Variants in TRIM37 observed in about 807,000 individuals in gnomAD.
The protein encoded by TRIM37 is tripartite motif containing 37, also known as E3 ubiquitin-protein ligase TRIM37.
Under a neutral mutation model 129.8 loss-of-function variants are expected in TRIM37, and 80 were observed. The ratio of observed to expected loss-of-function variants is 0.62; its 90% CI spans 0.51 to 0.74. The LOEUF is 0.74. Among genes scored for constraint, TRIM37 ranks in the 30% least tolerant of loss-of-function variants. The pLI is 0.00. For synonymous variants in TRIM37, 389 were observed against 387.1 expected (o/e 1.00, Z -0.06); for missense variants, 1,054 against 1,176.5 (o/e 0.90, Z 1.52).
Position 58,998,684 on chromosome 17 carries a change from C to CAA in TRIM37, c.*692_*693insTT. 3.0e-6 allele frequency: 3 copies of CAA among 985,384 alleles called. No homozygotes were observed. The highest frequency in any genetic ancestry group is 3.6e-6 in the Non-Finnish European group (3 of 829,924). The allele number at this position is 985,384 out of a possible 1,614,324, so 61.0% of individuals were successfully genotyped here. A position where few individuals can be genotyped will look rare whatever the true frequency, so the allele number is the denominator to read the frequency against. The stretch of plus-strand genomic sequence containing the variant: ...AATGAAAGAATTTTAAATAATCTTA[C>CAA]ACGTGTCTACAGGGCCAGGAACGTA... On this transcript the variant is annotated 3_prime_UTR_variant, in exon 24 of 24. Transcript: ENST00000262294.
At chr17:59,028,793 T>C (rs556798389) in intron 18 of TRIM37, 70 bp from the exon 19 acceptor site, 33 of 1,540,144 alleles carry the variant, frequency 2.1e-5, no homozygotes, top group Admixed American at 1.7e-5. Context: ...ACCATGAATA[T>C]ATGCAAATTT....
intron 12 of TRIM37, among the ~76,000 whole-genome samples, chr17:59,057,515 G>A (rs995416028): frequency 6.6e-6 from 1 of 151,948 alleles, no homozygotes; most frequent in African/African-American, 2.4e-5. Flanking sequence ...GCCAGAAAAA[G>A]AGCAGTATTT....
At chr17:59,014,665 C>T (rs2035685385) in intron 21 of TRIM37, among the ~76,000 whole-genome samples, 1 of 148,450 alleles carries the variant, frequency 6.7e-6, no homozygotes. Flanking sequence ...ATGCCTGTGA[C>T]ACATAATATA....
intron 2 of TRIM37, among the ~76,000 whole-genome samples, chr17:59,100,053 C>CG (rs532147068): frequency 1.9e-3 from 291 of 152,234 alleles, no homozygotes; most frequent in African/African-American, 6.8e-3. Flanking sequence ...CCATCCACTT[C>CG]GGCCTCCCAA....
At chr17:59,008,479 T>C (rs2034828418) in intron 22 of TRIM37, among the ~76,000 whole-genome samples, 1 of 152,256 alleles carries the variant, frequency 6.6e-6, no homozygotes, top group African/African-American at 2.4e-5. Flanking sequence ...AAGCTGTCAA[T>C]TAGCTTTAAA....
downstream of TRIM37, chr17:58,980,349 G>A: frequency 6.2e-7 from 1 of 1,614,098 alleles, no homozygotes; most frequent in Non-Finnish European, 8.5e-7. This position sits in a 1 kb window ranked among gnomAD's most constrained non-coding sequence, Gnocchi z 4.7. Flanking sequence ...AAACGCCCTT[G>A]GCCTCAGCAC....
At chr17:59,002,780 G>A (rs1445477914) in intron 22 of TRIM37, among the ~76,000 whole-genome samples, 1 of 152,188 alleles carries the variant, frequency 6.6e-6, no homozygotes, top group Non-Finnish European at 1.5e-5. Flanking sequence ...GCCCTGGAGA[G>A]CTTCCTGTGA....
chr17:59,089,040 T>C (rs767258132), intron 3 of TRIM37, among the ~76,000 whole-genome samples: 6 of 151,932 alleles, frequency 3.9e-5, no homozygotes, highest in Admixed American at 6.6e-5. Flanking sequence ...GGCAGGTAGA[T>C]TGCTTGAGCC....
At position 59,070,749 on chromosome 17, in the gene TRIM37, AC is replaced by A. The variant is rs989131218; in HGVS notation, c.809+73del. ...GAGAGAGATGGCATTAAAAAAAAAA[AC>A]ATTCTTTTGAAACAAGTATATGCAT... On this transcript the variant is annotated intron_variant, in intron 9 of 23. Coordinates refer to ENST00000262294, the MANE Select transcript of TRIM37 (RefSeq NM_015294.6). 707 of 1,507,044 alleles carry A rather than the reference AC, an allele frequency of 4.7e-4. 4 individuals are homozygous for A. In the African/African-American group the frequency reaches 7.9e-3, roughly 17 times the overall value. The allele number at this position is 1,507,044 out of a possible 1,614,324, so 93.4% of individuals were successfully genotyped here.
chr17:58,973,172 C>T, the TRIM37 span, among the ~76,000 whole-genome samples: 2 of 152,126 alleles, frequency 1.3e-5, no homozygotes, highest in African/African-American at 4.8e-5. Context: ...AATCCCAACA[C>T]TTTGGGAGGC....
chr17:59,057,613 C>A (rs2041079867), intron 12 of TRIM37, among the ~76,000 whole-genome samples: 1 of 152,116 alleles, frequency 6.6e-6, no homozygotes, highest in Non-Finnish European at 1.5e-5. Context: ...AACCTCTGCC[C>A]CCCAGTTCAA....
chr17:59,102,804 T>G (rs2045628560), intron 2 of TRIM37, among the ~76,000 whole-genome samples: 1 of 152,240 alleles, frequency 6.6e-6, no homozygotes, highest in Non-Finnish European at 1.5e-5. Context: ...AGAAAAAAAT[T>G]ATTTAAGTGT....
At chr17:58,990,490 C>CA (rs1385274923) in intron 24 of TRIM37, among the ~76,000 whole-genome samples, 1 of 144,348 alleles carries the variant, frequency 6.9e-6, no homozygotes, top group Non-Finnish European at 1.5e-5. Flanking sequence ...GACTCTGTCT[C>CA]AAAAGAAAAA....
At chr17:59,011,884 A>G (rs1201838966) in intron 22 of TRIM37, among the ~76,000 whole-genome samples, 1 of 152,232 alleles carries the variant, frequency 6.6e-6, no homozygotes, top group Non-Finnish European at 1.5e-5. Context: ...GTTCTAGGGC[A>G]TATCTTCCCC....
chr17:59,056,040 A>G (rs2040836585), intron 13 of TRIM37, among the ~76,000 whole-genome samples: 1 of 152,188 alleles, frequency 6.6e-6, no homozygotes, highest in African/African-American at 2.4e-5. Flanking sequence ...TATAAAATTA[A>G]GTTGTAAAAC....
intron 2 of TRIM37, among the ~76,000 whole-genome samples, chr17:59,097,430 G>A (rs774820240): frequency 2.0e-5 from 3 of 152,044 alleles, no homozygotes; most frequent in Non-Finnish European, 4.4e-5. Flanking sequence ...AAACACAACA[G>A]TTACAGGAGA....
chr17:58,979,553 G>A (rs1032254333), downstream of TRIM37, among the ~76,000 whole-genome samples: 1 of 152,174 alleles, frequency 6.6e-6, no homozygotes, highest in African/African-American at 2.4e-5. Flanking sequence ...TTTCAATGTG[G>A]GCTTGTTTTC....
intron 13 of TRIM37, among the ~76,000 whole-genome samples, chr17:59,054,591 G>A (rs1031592521): frequency 2.2e-4 from 32 of 143,474 alleles, no homozygotes; most frequent in African/African-American, 7.5e-4. Flanking sequence ...CGTGAGCCAC[G>A]GCACCCAGCC....
At chr17:59,056,236 G>T (rs978436454) in intron 13 of TRIM37, among the ~76,000 whole-genome samples, 2 of 151,468 alleles carry the variant, frequency 1.3e-5, no homozygotes, top group Admixed American at 6.6e-5. Context: ...AAGATGGGGG[G>T]TCTCATAATG....
Sources: allele counts gnomAD v4.1 joint callset (sites outside exome capture counted in the v4.1 genomes callset), GRCh38; gene constraint gnomAD v4.1.1; non-coding constraint Gnocchi (gnomAD v3.1); transcripts MANE v1.5; gene names NCBI Gene and HGNC (gene_info 2026-07-23, HGNC 2026-07-21).